ZFAND3: variants seen among roughly 807,000 people sequenced by gnomAD.
ZFAND3 encodes the protein zinc finger AN1-type containing 3, also known as AN1-type zinc finger protein 3.
ZFAND3 carries 10 observed loss-of-function variants against 29.6 expected under a neutral mutation model. That is an observed-to-expected ratio of 0.34 (90% CI 0.21 to 0.57). The LOEUF is 0.57. ZFAND3 is among the 20% of genes least tolerant of loss of function. The pLI is 0.86. For synonymous variants in ZFAND3, 128 were observed against 112.6 expected, an observed-to-expected ratio of 1.14 and a Z score of -0.87; for missense variants, 230 against 304.5, an observed-to-expected ratio of 0.76 and a Z score of 1.82.
chr6:37,909,283 T>C (rs983199932), intron 1 of ZFAND3, among the ~76,000 whole-genome samples: 5 of 151,036 alleles, frequency 3.3e-5, no homozygotes, highest in East Asian at 3.9e-4. Flanking sequence ...TTTCTTTTTT[T>C]TTTTTTTCTT....
chr6:38,019,790 C>T (rs1034819202), intron 2 of ZFAND3, among the ~76,000 whole-genome samples: 10 of 152,152 alleles, frequency 6.6e-5, no homozygotes, highest in Admixed American at 2.6e-4. Context: ...GGCACGATCT[C>T]GGCTCACTGC....
chr6:37,912,030 C>CTCTGTGTG (rs370151008), intron 1 of ZFAND3, among the ~76,000 whole-genome samples: 5 of 139,706 alleles, frequency 3.6e-5, no homozygotes, highest in African/African-American at 1.4e-4. Flanking sequence ...AGTCTTTTAT[C>CTCTGTGTG]TGTGTGTGTG....
At chr6:38,097,397 T>C (rs1037443228) in intron 4 of ZFAND3, among the ~76,000 whole-genome samples, 3 of 152,150 alleles carry the variant, frequency 2.0e-5, no homozygotes, top group African/African-American at 7.2e-5. Context: ...TAGGACTGTT[T>C]TCTACTATAT....
intron 4 of ZFAND3, among the ~76,000 whole-genome samples, chr6:38,097,282 C>A (rs959787640): frequency 1.4e-5 from 2 of 144,548 alleles, no homozygotes; most frequent in Admixed American, 7.0e-5. Flanking sequence ...GAGACGGAGT[C>A]TCGCTTGTTG....
chr6:37,876,231 T>A (rs1764790291), intron 1 of ZFAND3, among the ~76,000 whole-genome samples: 1 of 152,214 alleles, frequency 6.6e-6, no homozygotes, highest in African/African-American at 2.4e-5. Context: ...CAAATTTCTG[T>A]TCCAAGTTTT....
chr6:38,053,664 A>C (rs951323496), intron 2 of ZFAND3, among the ~76,000 whole-genome samples: 1 of 152,194 alleles, frequency 6.6e-6, no homozygotes, highest in African/African-American at 2.4e-5. Flanking sequence ...GCACCACTAC[A>C]TTCCAGCCTG....
rs1554183997 is a variant in ZFAND3, at chr6:38,144,218, A to ATAAT, written c.530-8017_530-8016insTAAT. Among the ~76,000 whole-genome samples the ATAAT allele has an allele frequency of 3.5e-4, 11 of 31,448 alleles. 1 individual carries two copies. The highest frequency in any genetic ancestry group is 2.0e-3 in the African/African-American group (11 of 5,390). 20.6% of individuals were successfully genotyped at this position (31,448 alleles called of 152,430 possible). A position where few individuals can be genotyped will look rare whatever the true frequency, so the allele number is the denominator to read the frequency against. ...ATATATATATATATATATAATATATAATATATATATATATTTTTTTTTTAA... is the reference window on the plus strand; with the variant it reads ...ATATATATATATATATATAATATATATAATATATATATATATATTTTTTTTTTAA... On this transcript the variant is annotated intron_variant, in intron 5 of 5. Coordinates refer to ENST00000287218, the MANE Select transcript of ZFAND3 (RefSeq NM_021943.3).
chr6:38,088,570 T>C (rs985705683), intron 4 of ZFAND3, among the ~76,000 whole-genome samples: 1 of 152,222 alleles, frequency 6.6e-6, no homozygotes, highest in African/African-American at 2.4e-5. Flanking sequence ...AGGGGATGGA[T>C]ACACCTTTTC....
intron 1 of ZFAND3, among the ~76,000 whole-genome samples, chr6:37,844,297 C>G (rs1312814795): frequency 6.6e-6 from 1 of 150,872 alleles, no homozygotes; most frequent in Non-Finnish European, 1.5e-5. Flanking sequence ...TCTTTCTTGT[C>G]TTTCTTTCTT....
intron 2 of ZFAND3, among the ~76,000 whole-genome samples, chr6:37,933,094 A>T (rs187210837): frequency 2.0e-5 from 3 of 152,248 alleles, no homozygotes; most frequent in Non-Finnish European, 4.4e-5. Flanking sequence ...CATGAGTTTT[A>T]CAAGACAACA....
At chr6:37,822,534 G>C (rs1763685015) in intron 1 of ZFAND3, among the ~76,000 whole-genome samples, 1 of 152,134 alleles carries the variant, frequency 6.6e-6, no homozygotes, top group Non-Finnish European at 1.5e-5. Context: ...ATATTTAACA[G>C]ATATTTGAAT....
intron 1 of ZFAND3, among the ~76,000 whole-genome samples, chr6:37,839,302 TC>T (rs1267211277): frequency 1.3e-5 from 2 of 150,916 alleles, no homozygotes; most frequent in Non-Finnish European, 3.0e-5. Context: ...TGCCTCAGCT[TC>T]CCGGGTAGCT....
intron 1 of ZFAND3, among the ~76,000 whole-genome samples, chr6:37,856,869 C>G (rs1350922066): frequency 6.6e-6 from 1 of 151,576 alleles, no homozygotes; most frequent in African/African-American, 2.4e-5. Flanking sequence ...AAAGATTTGA[C>G]AAATTATTAA....
intron 3 of ZFAND3, among the ~76,000 whole-genome samples, chr6:38,063,101 T>A (rs1440804489): frequency 6.6e-6 from 1 of 152,108 alleles, no homozygotes; most frequent in African/African-American, 2.4e-5. Context: ...GAAAGCTAAG[T>A]TGAAATTTAG....
intron 4 of ZFAND3, among the ~76,000 whole-genome samples, chr6:38,102,756 CT>C (rs1204309891): frequency 6.6e-6 from 1 of 152,090 alleles, no homozygotes; most frequent in Admixed American, 6.6e-5. Context: ...GAAAGTTTAA[CT>C]TTTTTGTTTG....
chr6:37,877,469 G>A (rs1764814194), intron 1 of ZFAND3, among the ~76,000 whole-genome samples: 1 of 152,156 alleles, frequency 6.6e-6, no homozygotes, highest in Admixed American at 6.5e-5. Context: ...TAGTAATAGA[G>A]GAGATGGTGA....
chr6:37,835,483 T>TA (rs1451907917), intron 1 of ZFAND3, among the ~76,000 whole-genome samples: 1 of 141,370 alleles, frequency 7.1e-6, no homozygotes, highest in Non-Finnish European at 1.6e-5. Flanking sequence ...TTTTTTTTTT[T>TA]AAATGTATTC....
intron 2 of ZFAND3, among the ~76,000 whole-genome samples, chr6:37,990,878 G>A (rs746271123): frequency 6.6e-6 from 1 of 152,108 alleles, no homozygotes; most frequent in Non-Finnish European, 1.5e-5. Flanking sequence ...CAGATTCTTA[G>A]TCTAATTAGT....
rs1190400403 is a variant in ZFAND3 at position 38,152,239 on chromosome 6, T to C, written c.534T>C (p.Tyr178=). ...CTGCTTCTCCCGCTGCTGCAGGTTA[T>C]GTGTTCTGTATGTTACATCGCCTCC... ...QQELGSCRCG[Y]VFCMLHRLPE... is the part of the protein sequence containing the mutation. The change falls in exon 6 of 6, where the codon TAT becomes TAC. Residue 178 remains tyrosine, a synonymous_variant. Coordinates refer to ENST00000287218, the MANE Select transcript of ZFAND3 (RefSeq NM_021943.3). 6 of 1,527,070 alleles carry C rather than the reference T, an allele frequency of 3.9e-6. No homozygotes were observed. The highest frequency in any genetic ancestry group is 5.3e-6 in the Non-Finnish European group (6 of 1,135,182). The allele number at this position is 1,527,070 out of a possible 1,614,324, so 94.6% of individuals were successfully genotyped here.
Sources: allele counts gnomAD v4.1 joint callset (sites outside exome capture counted in the v4.1 genomes callset), GRCh38; gene constraint gnomAD v4.1.1; transcripts MANE v1.5; gene names NCBI Gene and HGNC (gene_info 2026-07-23, HGNC 2026-07-21).